Variants in EPHA7 observed in about 807,000 individuals in gnomAD.
EPHA7 encodes EPH receptor A7.
In EPHA7, 25 loss-of-function variants were observed where a neutral mutation model predicts 112.6. The ratio of observed to expected loss-of-function variants is 0.22; its 90% CI spans 0.16 to 0.31. EPHA7 has a LOEUF of 0.31. Ranked by LOEUF, EPHA7 falls within the 10% of genes least tolerant of loss-of-function variation. The probability of loss-of-function intolerance (pLI) is 1.00; values close to 1 mark genes in which losing one functional copy is unlikely to be tolerated. For synonymous variants in EPHA7, 437 were observed against 406.5 expected (o/e 1.07, Z -0.90); for missense variants, 962 against 1,212.6 (o/e 0.79, Z 3.07).
intron 14 of EPHA7, among the ~76,000 whole-genome samples, chr6:93,252,000 G>T (rs1359265840): frequency 3.3e-5 from 5 of 152,006 alleles, no homozygotes; most frequent in Non-Finnish European, 7.4e-5. Context: ...TTAACTAATG[G>T]ATAACCTATT....
At position 93,410,407 on chromosome 6, in the gene EPHA7, A is replaced by C. The variant is rs1778918149; in HGVS notation, c.832+94T>G. The C allele has an allele frequency of 1.7e-6, 2 of 1,152,030 alleles. No homozygotes were observed. Among genetic ancestry groups the C allele is most frequent in the African/African-American group, 3.1e-5 (2 of 64,978 alleles). 71.4% of individuals were successfully genotyped at this position (1,152,030 alleles called of 1,614,324 possible). A position where few individuals can be genotyped will look rare whatever the true frequency, so the allele number is the denominator to read the frequency against. Reference sequence around the variant, plus strand: ...CTGAATTGCGCTTCTGGTACAGAGCAGATTCACGTATTCAAATAACTATTA... The same window carrying C: ...CTGAATTGCGCTTCTGGTACAGAGCCGATTCACGTATTCAAATAACTATTA... On this transcript the variant is annotated intron_variant, in intron 3 of 16. Transcript: ENST00000369303. The surrounding 1 kb of genome is among the most constrained non-coding windows in gnomAD (Gnocchi z 4.0).
chr6:93,410,600 C>G lies in EPHA7; in HGVS notation c.733G>C (p.Ala245Pro), dbSNP rs41273629. The change falls in exon 3 of 17, where the codon GCC becomes CCC. Residue 245 changes from alanine to proline, a missense_variant. Coordinates refer to ENST00000369303, the MANE Select transcript of EPHA7 (RefSeq NM_004440.4). The surrounding 1 kb of genome is among the most constrained non-coding windows in gnomAD (Gnocchi z 4.0). ...TCTGCACTGCAGTGCATCCTGGGGG[C>G]GTTTTCCGCTTCTTCCTCTGCACTG... is the stretch of plus-strand genomic sequence containing the variant. ...VSSAEEEAEN[A>P]PRMHCSAEGE... is the part of the protein sequence containing the mutation. The G allele has an allele frequency of 6.2e-7, 1 of 1,613,986 alleles. No individual in the cohort carries two copies. The highest frequency in any genetic ancestry group is 1.1e-5 in the South Asian group (1 of 91,080).
chr6:93,371,126 T>C (rs1225900571), intron 3 of EPHA7, among the ~76,000 whole-genome samples: 1 of 151,058 alleles, frequency 6.6e-6, no homozygotes, highest in Non-Finnish European at 1.5e-5. Flanking sequence ...ATCGCGCCAC[T>C]GCACTCCAGC....
intron 5 of EPHA7, among the ~76,000 whole-genome samples, chr6:93,327,828 T>C (rs1369506263): frequency 6.6e-6 from 1 of 151,542 alleles, no homozygotes; most frequent in African/African-American, 2.4e-5. Flanking sequence ...CTCTTAGCTA[T>C]TCTTAACACA....
intron 5 of EPHA7, among the ~76,000 whole-genome samples, chr6:93,333,660 C>T (rs969195918): frequency 5.3e-5 from 8 of 151,598 alleles, no homozygotes; most frequent in Admixed American, 1.3e-4. Context: ...ATTTGCTGGC[C>T]ACCTGTATGT....
At chr6:93,337,423 T>A (rs1774928995) in intron 5 of EPHA7, among the ~76,000 whole-genome samples, 1 of 152,164 alleles carries the variant, frequency 6.6e-6, no homozygotes, top group Non-Finnish European at 1.5e-5. Flanking sequence ...TTTTGACCAA[T>A]TCTACCCTTA....
At chr6:93,414,452 G>A (rs1779125674) in intron 2 of EPHA7, among the ~76,000 whole-genome samples, 1 of 151,780 alleles carries the variant, frequency 6.6e-6, no homozygotes, top group Admixed American at 6.6e-5. Context: ...TGGACCCTGA[G>A]GTATGATTCC....
chr6:93,408,813 G>C (rs996589399), intron 3 of EPHA7, among the ~76,000 whole-genome samples: 11 of 152,128 alleles, frequency 7.2e-5, no homozygotes, highest in Admixed American at 6.6e-5. Flanking sequence ...AACACAATGT[G>C]AGCCACAAAT....
At chr6:93,373,335 T>C (rs753427005) in intron 3 of EPHA7, among the ~76,000 whole-genome samples, 1 of 152,054 alleles carries the variant, frequency 6.6e-6, no homozygotes, top group Non-Finnish European at 1.5e-5. Context: ...AAATGTTCTG[T>C]GTAAAGTAAT....
At chr6:93,363,382 A>G (rs768383090) in intron 3 of EPHA7, among the ~76,000 whole-genome samples, 9 of 152,160 alleles carry the variant, frequency 5.9e-5, no homozygotes. Context: ...CCAATCAAAA[A>G]TATGCAAGGA....
intron 5 of EPHA7, among the ~76,000 whole-genome samples, chr6:93,273,567 A>G (rs2127884565): frequency 1.3e-5 from 2 of 152,064 alleles, no homozygotes; most frequent in Non-Finnish European, 2.9e-5. Context: ...ATTTTGAAGG[A>G]AGGACATGGA....
At chr6:93,246,510 A>G (rs1412892487) in intron 15 of EPHA7, among the ~76,000 whole-genome samples, 1 of 152,206 alleles carries the variant, frequency 6.6e-6, no homozygotes, top group Non-Finnish European at 1.5e-5. Flanking sequence ...AACTGCTGCT[A>G]TCTTATCACA....
intron 1 of EPHA7, among the ~76,000 whole-genome samples, chr6:93,418,968 C>G (rs6911547): frequency 0.033 from 4,990 of 152,290 alleles, 274 homozygotes; most frequent in African/African-American, 0.11. Flanking sequence ...CACCCCACCC[C>G]CGTTGCTGCT....
intron 3 of EPHA7, among the ~76,000 whole-genome samples, chr6:93,408,445 G>A (rs1778820417): frequency 6.6e-6 from 1 of 152,032 alleles, no homozygotes; most frequent in Non-Finnish European, 1.5e-5. Context: ...TACAAGCAGG[G>A]ATAAATCTTC....
At chr6:93,411,926 A>C (rs1778995048) in intron 2 of EPHA7, among the ~76,000 whole-genome samples, 1 of 152,120 alleles carries the variant, frequency 6.6e-6, no homozygotes, top group Non-Finnish European at 1.5e-5. Flanking sequence ...TCAGATGTTT[A>C]AAAATGTCCA....
At chr6:93,325,723 G>A (rs1774287025) in intron 5 of EPHA7, among the ~76,000 whole-genome samples, 1 of 151,222 alleles carries the variant, frequency 6.6e-6, no homozygotes, top group Admixed American at 6.6e-5. Context: ...AAACTGTTAC[G>A]AATCTACTGG....
At chr6:93,387,215 T>C (rs957819761) in intron 3 of EPHA7, among the ~76,000 whole-genome samples, 1 of 152,118 alleles carries the variant, frequency 6.6e-6, no homozygotes, top group African/African-American at 2.4e-5. Flanking sequence ...CCCTAAATCA[T>C]CTCTCCCAAG....
At chr6:93,260,587 T>C in intron 9 of EPHA7, 1 of 963,122 alleles carries the variant, frequency 1.0e-6, no homozygotes, top group Non-Finnish European at 1.2e-6. Flanking sequence ...AGCCTAACTG[T>C]GCTTATGTCA....
At chr6:93,345,819 C>T (rs559780231) in intron 5 of EPHA7, among the ~76,000 whole-genome samples, 1 of 151,506 alleles carries the variant, frequency 6.6e-6, no homozygotes, top group African/African-American at 2.4e-5. Flanking sequence ...CCTTGTAGCT[C>T]TAATTTACTG....
Sources: gnomAD v4.1 joint callset for allele counts (sites outside exome capture counted in the v4.1 genomes callset) on GRCh38, gnomAD v4.1.1 for gene constraint, Gnocchi (gnomAD v3.1) non-coding constraint, MANE v1.5 for transcripts, NCBI Gene and HGNC (gene_info 2026-07-23, HGNC 2026-07-21) for gene names.